The following CHRDL1 variants were observed in gnomAD, a reference collection of about 807,000 sequenced individuals.
CHRDL1 encodes the protein chordin like 1.
A neutral mutation model predicts 40.9 loss-of-function variants in CHRDL1; 19 were observed. That is an observed-to-expected ratio of 0.46 (90% CI 0.32 to 0.68). CHRDL1 has a LOEUF of 0.68. Among genes scored for constraint, CHRDL1 ranks in the 30% least tolerant of loss-of-function variants. CHRDL1 has a pLI of 0.03. For missense variants in CHRDL1, 329 were observed against 352.1 expected, an observed-to-expected ratio of 0.93 and a Z score of 0.53; for synonymous variants, 136 against 123.4, an observed-to-expected ratio of 1.10 and a Z score of -0.68.
intron 2 of CHRDL1, among the ~76,000 whole-genome samples, 184 bp downstream of exon 2, chrX:110,791,904 T>C (rs1173255027): frequency 2.7e-5 from 3 of 112,226 alleles, no homozygotes; most frequent in Admixed American, 9.4e-5. Context: ...GCCCCAAATT[T>C]AGTTGGCCTG....
chrX:110,763,586 GTCTC>G (rs201823469), intron 2 of CHRDL1, among the ~76,000 whole-genome samples: 26 of 97,218 alleles, frequency 2.7e-4, no homozygotes, highest in Admixed American at 3.2e-4. Flanking sequence ...CTCTGTCTCT[GTCTC>G]TCTATCTATC....
chrX:110,740,697 T>C (rs2071344321), intron 4 of CHRDL1, among the ~76,000 whole-genome samples: 1 of 111,761 alleles, frequency 8.9e-6, no homozygotes, highest in Admixed American at 9.5e-5. Flanking sequence ...TCCTGCAATT[T>C]CTACCTCTCT....
intron 11 of CHRDL1, among the ~76,000 whole-genome samples, chrX:110,678,730 C>T (rs1263624541): frequency 1.8e-5 from 2 of 110,923 alleles, no homozygotes; most frequent in Admixed American, 1.9e-4. Flanking sequence ...TGGATAGAAA[C>T]TGTGTGCCTT....
At chrX:110,708,720 A>T (rs1050525107) in intron 6 of CHRDL1, among the ~76,000 whole-genome samples, 2 of 111,691 alleles carry the variant, frequency 1.8e-5, no homozygotes, top group Non-Finnish European at 3.8e-5. Flanking sequence ...CGTTTCCAGG[A>T]GGAAATCAGA....
At chrX:110,783,803 G>A (rs991858133) in intron 2 of CHRDL1, among the ~76,000 whole-genome samples, 1 of 111,875 alleles carries the variant, frequency 8.9e-6, no homozygotes, top group South Asian at 3.8e-4. Flanking sequence ...CAACAGATAC[G>A]TGTCACTATG....
intron 6 of CHRDL1, among the ~76,000 whole-genome samples, chrX:110,712,923 T>C (rs190033786): frequency 2.8e-4 from 31 of 111,382 alleles, no homozygotes; most frequent in Middle Eastern, 9.2e-3. Flanking sequence ...TAGGGTATTA[T>C]GTAGCATGTA....
intron 6 of CHRDL1, 125 bp from the exon 7 acceptor site, chrX:110,700,846 G>A: frequency 6.6e-6 from 3 of 452,380 alleles, no homozygotes; most frequent in Non-Finnish European, 1.1e-5. Context: ...TTGCTTTTGT[G>A]GCTGTCCTTC....
chrX:110,745,078 T>G (rs2071428770), intron 4 of CHRDL1, among the ~76,000 whole-genome samples: 1 of 111,089 alleles, frequency 9.0e-6, no homozygotes, highest in Admixed American at 9.6e-5. Flanking sequence ...CAAGTGTGTG[T>G]AAACTGAACA....
At chrX:110,759,423 T>C (rs1569480113) in intron 4 of CHRDL1, among the ~76,000 whole-genome samples, 1 of 112,419 alleles carries the variant, frequency 8.9e-6, no homozygotes, top group Non-Finnish European at 1.9e-5. Context: ...ACACCCACCT[T>C]CAAATGATTA....
chrX:110,763,511 T>C (rs902950143), intron 2 of CHRDL1, among the ~76,000 whole-genome samples: 1 of 107,426 alleles, frequency 9.3e-6, no homozygotes, highest in African/African-American at 3.4e-5. Flanking sequence ...CATATATATA[T>C]ACACACATAT....
intron 4 of CHRDL1, among the ~76,000 whole-genome samples, chrX:110,723,935 G>C (rs2071010456): frequency 8.9e-6 from 1 of 112,319 alleles, no homozygotes. Flanking sequence ...CCTAGAAAGA[G>C]TTTAACTCAT....
chrX:110,714,807 T>C (rs1272784311), intron 6 of CHRDL1, among the ~76,000 whole-genome samples: 1 of 111,916 alleles, frequency 8.9e-6, no homozygotes, highest in African/African-American at 3.2e-5. Flanking sequence ...TTATTTCTTC[T>C]TCAGTATTTG....
chrX:110,681,809 T>C (rs1246231969), intron 9 of CHRDL1, among the ~76,000 whole-genome samples, 160 bp from the exon 10 acceptor site: 4 of 112,561 alleles, frequency 3.6e-5, no homozygotes, highest in Admixed American at 9.4e-5. Context: ...CCATACTTCA[T>C]TAGCCCAGCT....
chrX:110,760,472 T>C (rs1258076819), intron 3 of CHRDL1, among the ~76,000 whole-genome samples: 2 of 112,402 alleles, frequency 1.8e-5, no homozygotes, highest in Non-Finnish European at 3.8e-5. Flanking sequence ...CTACTTGTAT[T>C]TGTCAGGCTG....
chrX:110,751,396 A>G (rs901278053), intron 4 of CHRDL1, among the ~76,000 whole-genome samples: 1 of 112,209 alleles, frequency 8.9e-6, no homozygotes, highest in Admixed American at 9.4e-5. Context: ...AGTGCCTCCA[A>G]AAAATGGGTA....
chrX:110,783,192 A>G (rs1449462137), intron 2 of CHRDL1, among the ~76,000 whole-genome samples: 1 of 112,160 alleles, frequency 8.9e-6, no homozygotes, highest in African/African-American at 3.2e-5. Context: ...CAATGGCACA[A>G]TCTTGACTCA....
At chrX:110,778,051 T>C (rs1316610214) in intron 2 of CHRDL1, among the ~76,000 whole-genome samples, 1 of 111,250 alleles carries the variant, frequency 9.0e-6, no homozygotes, top group Non-Finnish European at 1.9e-5. Context: ...GCTCGCCATA[T>C]GCAGAAGACT....
At chrX:110,788,039 A>G (rs139119620) in intron 2 of CHRDL1, among the ~76,000 whole-genome samples, 71 of 112,610 alleles carry the variant, frequency 6.3e-4, no homozygotes, top group African/African-American at 2.2e-3. Context: ...TTTGAACTTC[A>G]AAAGAGTTTC....
chrX:110,781,586 G>A (rs1487504407), intron 2 of CHRDL1, among the ~76,000 whole-genome samples: 1 of 111,175 alleles, frequency 9.0e-6, no homozygotes, highest in African/African-American at 3.3e-5. Context: ...CTGCATGGTT[G>A]AATGACCTAC....
Sources: gnomAD v4.1 joint callset for allele counts (sites outside exome capture counted in the v4.1 genomes callset) on GRCh38, gnomAD v4.1.1 for gene constraint, MANE v1.5 for transcripts, NCBI Gene and HGNC (gene_info 2026-07-23, HGNC 2026-07-21) for gene names.